The following GNAI3 variants were observed in gnomAD, a reference collection of about 807,000 sequenced individuals.
GNAI3 encodes the protein G protein subunit alpha i3.
Under a neutral mutation model 41.8 loss-of-function variants are expected in GNAI3, and 12 were observed. The ratio of observed to expected loss-of-function variants is 0.29; its 90% CI spans 0.18 to 0.47. The LOEUF (loss-of-function observed/expected upper bound fraction) is 0.47, where lower values mean the gene tolerates loss of function less well. Among genes scored for constraint, GNAI3 ranks in the 20% least tolerant of loss-of-function variants. GNAI3 has a pLI of 1.00. For missense variants in GNAI3, 360 were observed against 429.6 expected, an observed-to-expected ratio of 0.84 and a Z score of 1.43; for synonymous variants, 132 against 146.5, an observed-to-expected ratio of 0.90 and a Z score of 0.71.
chr1:109,556,918 C>G, intron 1 of GNAI3, among the ~76,000 whole-genome samples: 1 of 152,174 alleles, frequency 6.6e-6, no homozygotes, highest in Non-Finnish European at 1.5e-5. Flanking sequence ...TCTCAGACTA[C>G]TGTCTGTTAT....
In GNAI3 at chr1:109,573,774, G is replaced by C. The variant is rs1209959386; in HGVS notation, c.156G>C (p.Gln52His). 6.2e-7 allele frequency: 1 copy of C among 1,611,612 alleles called. No homozygotes were observed. The highest frequency in any genetic ancestry group is 1.3e-5 in the African/African-American group (1 of 74,982). Residue 52 changes from glutamine to histidine, a missense_variant, in exon 2 of 9, where the codon CAG becomes CAC. By Grantham distance (24) the Gln-to-His change is conservative (BLOSUM62 0). Coordinates refer to ENST00000369851, the MANE Select transcript of GNAI3 (RefSeq NM_006496.4). ...CTGGTAAAAGCACCATTGTGAAACA[G>C]ATGAAGTAAGTTGGAATGTAGCGTT... ...GESGKSTIVK[Q>H]MKIIHEDGYS...
intron 3 of GNAI3, among the ~76,000 whole-genome samples, chr1:109,575,496 G>A (rs1006903415): frequency 3.1e-5 from 4 of 129,372 alleles, no homozygotes; most frequent in East Asian, 2.2e-4. Context: ...ATTCCCCGCC[G>A]TCTGTCTTCC....
Position 109,573,732 on chromosome 1 carries a change from T to TA in GNAI3, c.119-4dup. 1 of 1,605,248 alleles carries TA rather than the reference T, an allele frequency of 6.2e-7. No homozygotes were observed. The highest frequency in any genetic ancestry group is 8.5e-7 in the Non-Finnish European group (1 of 1,172,108). Reference sequence around the variant, plus strand: ...AATTCAAAGTCTGGTTTTCTTTTCTTACAGGTGCTGGAGAATCTGGTAAAA... The same window carrying TA: ...AATTCAAAGTCTGGTTTTCTTTTCTTAACAGGTGCTGGAGAATCTGGTAAAA... On this transcript the variant is annotated splice_polypyrimidine_tract_variant and splice_region_variant and intron_variant, in intron 1 of 8. Coordinates refer to ENST00000369851, the MANE Select transcript of GNAI3 (RefSeq NM_006496.4).
At chr1:109,584,676 G>A (rs932818297) in intron 5 of GNAI3, among the ~76,000 whole-genome samples, 1 of 152,160 alleles carries the variant, frequency 6.6e-6, no homozygotes, top group Non-Finnish European at 1.5e-5. Flanking sequence ...CATATGCAAG[G>A]CATTGTGTAA....
chr1:109,569,633 G>A (rs1023174175), intron 1 of GNAI3, among the ~76,000 whole-genome samples: 8 of 152,126 alleles, frequency 5.3e-5, no homozygotes, highest in African/African-American at 1.9e-4. Flanking sequence ...GTTATAGAAA[G>A]TGTTTCAATA....
intron 1 of GNAI3, among the ~76,000 whole-genome samples, chr1:109,552,815 G>A (rs1332787449): frequency 2.6e-5 from 4 of 151,620 alleles, no homozygotes; most frequent in Admixed American, 6.6e-5. Context: ...TTTTTAATGT[G>A]TGCCATCATG....
intron 7 of GNAI3, among the ~76,000 whole-genome samples, chr1:109,590,826 A>C (rs1351280920): frequency 6.6e-6 from 1 of 152,006 alleles, no homozygotes; most frequent in Non-Finnish European, 1.5e-5. Context: ...GCGGCCCCCA[A>C]AGTGCAGGGA....
At chr1:109,588,399 G>C (rs1482340770) in intron 7 of GNAI3, among the ~76,000 whole-genome samples, 1 of 151,960 alleles carries the variant, frequency 6.6e-6, no homozygotes, top group Non-Finnish European at 1.5e-5. Context: ...ACTAGACTGG[G>C]ATTGCTTGGC....
chr1:109,552,311 AT>A (rs1648001242), intron 1 of GNAI3, among the ~76,000 whole-genome samples: 1 of 152,194 alleles, frequency 6.6e-6, no homozygotes, highest in African/African-American at 2.4e-5. Flanking sequence ...CTGTTTACAA[AT>A]TTTTTATAGC....
intron 4 of GNAI3, among the ~76,000 whole-genome samples, chr1:109,580,718 C>A (rs541718813): frequency 2.6e-5 from 4 of 152,280 alleles, no homozygotes; most frequent in African/African-American, 9.6e-5. Context: ...CTCAGCATCT[C>A]TAAACATATA....
At chr1:109,549,405 A>G (rs1319635452) in intron 1 of GNAI3, among the ~76,000 whole-genome samples, 1 of 152,196 alleles carries the variant, frequency 6.6e-6, no homozygotes, top group East Asian at 1.9e-4. Context: ...ACATGAAGAT[A>G]GGTAGGTGAG....
chr1:109,585,283 A>G (rs1649007392), intron 5 of GNAI3, among the ~76,000 whole-genome samples: 1 of 152,228 alleles, frequency 6.6e-6, no homozygotes, highest in Non-Finnish European at 1.5e-5. Flanking sequence ...TATAGGAGGT[A>G]GTTGAGGATG....
chr1:109,562,708 T>G (rs1485119321), intron 1 of GNAI3, among the ~76,000 whole-genome samples: 1 of 152,210 alleles, frequency 6.6e-6, no homozygotes, highest in Non-Finnish European at 1.5e-5. Flanking sequence ...AAGTGTAGTT[T>G]GATTTACATT....
intron 1 of GNAI3, among the ~76,000 whole-genome samples, chr1:109,565,236 G>A (rs907789814): frequency 1.3e-5 from 2 of 148,846 alleles, no homozygotes; most frequent in African/African-American, 2.5e-5. Flanking sequence ...GGGTGACAGA[G>A]TGAGACTCCG....
At chr1:109,563,942 A>T (rs908826506) in intron 1 of GNAI3, among the ~76,000 whole-genome samples, 1 of 152,120 alleles carries the variant, frequency 6.6e-6, no homozygotes, top group East Asian at 1.9e-4. Context: ...ATTCCCTTTT[A>T]TGTATCCAAT....
chr1:109,570,583 G>C (rs931502529), intron 1 of GNAI3, among the ~76,000 whole-genome samples: 2 of 152,206 alleles, frequency 1.3e-5, no homozygotes, highest in African/African-American at 4.8e-5. Context: ...AGTCAGAAAA[G>C]GCTGTTCCTG....
intron 5 of GNAI3, among the ~76,000 whole-genome samples, chr1:109,584,685 A>G (rs192653480): frequency 6.6e-6 from 1 of 152,346 alleles, no homozygotes; most frequent in East Asian, 1.9e-4. Flanking sequence ...GGCATTGTGT[A>G]ATTGCTTACT....
chr1:109,591,033 GT>G, intron 7 of GNAI3, among the ~76,000 whole-genome samples: 1 of 152,094 alleles, frequency 6.6e-6, no homozygotes, highest in Admixed American at 6.5e-5. Flanking sequence ...TACTCTAAAG[GT>G]TCTATAAGTA....
At position 109,597,658 on chromosome 1, in the gene GNAI3, T is replaced by G. The variant is rs1298125303; in HGVS notation, c.*5336T>G. On this transcript the variant is annotated 3_prime_UTR_variant, in exon 9 of 9. Coordinates refer to ENST00000369851, the MANE Select transcript of GNAI3 (RefSeq NM_006496.4). ...ACATTCCTACACTTTGGATACAGAG[T>G]ATTTAGTTTTATACAAAATTAAGAC... The G allele has an allele frequency of 6.6e-6, 1 of 151,846 alleles. No individual in the cohort carries two copies. Among genetic ancestry groups the G allele is most frequent in the African/African-American group, 2.4e-5 (1 of 41,306 alleles). 9.4% of individuals were successfully genotyped at this position (151,846 alleles called of 1,614,324 possible). A position where few individuals can be genotyped will look rare whatever the true frequency, so the allele number is the denominator to read the frequency against.
Sources: allele counts gnomAD v4.1 joint callset (sites outside exome capture counted in the v4.1 genomes callset), GRCh38; gene constraint gnomAD v4.1.1; transcripts MANE v1.5; gene names NCBI Gene and HGNC (gene_info 2026-07-23, HGNC 2026-07-21).